CD200R1L: variants seen among roughly 807,000 people sequenced by gnomAD.
CD200R1L encodes the protein CD200 receptor 1 like.
CD200R1L carries 14 observed loss-of-function variants against 24.8 expected under a neutral mutation model. That is an observed-to-expected ratio of 0.56 (90% confidence interval 0.37 to 0.88). The LOEUF is 0.88. Among genes scored for constraint, CD200R1L ranks in the 40% least tolerant of loss-of-function variants. The pLI, the probability that CD200R1L is intolerant of heterozygous loss-of-function variation, is 0.00. For synonymous variants in CD200R1L, 111 were observed against 109.2 expected, an observed-to-expected ratio of 1.02 and a Z score of -0.11; for missense variants, 299 against 297.8, an observed-to-expected ratio of 1.00 and a Z score of -0.03.
At chr3:112,838,069 G>A (rs1304227956) in intron 2 of CD200R1L, 59 bp from the exon 3 acceptor site, 4 of 621,252 alleles carry the variant, frequency 6.4e-6, no homozygotes, top group South Asian at 3.7e-5. Flanking sequence ...TTACTGAAAT[G>A]GACTAGAATC....
At chr3:112,841,474 C>T in intron 2 of CD200R1L, 1 of 249,508 alleles carries the variant, frequency 4.0e-6, no homozygotes, top group East Asian at 1.3e-4. Flanking sequence ...AGAGGCACAG[C>T]TCAAACCTGT....
chr3:112,836,388 C>G (rs1387012475), intron 3 of CD200R1L, among the ~76,000 whole-genome samples: 1 of 152,258 alleles, frequency 6.6e-6, no homozygotes. Flanking sequence ...CAGCCCGCCA[C>G]TGCATCAATA....
intron 3 of CD200R1L, among the ~76,000 whole-genome samples, chr3:112,833,364 T>A (rs1938857327): frequency 6.6e-6 from 1 of 152,178 alleles, no homozygotes; most frequent in African/African-American, 2.4e-5. Context: ...CTCAGACAAG[T>A]CCAGTAGGAC....
At chr3:112,832,471 A>G (rs1938824310) in intron 3 of CD200R1L, among the ~76,000 whole-genome samples, 1 of 152,146 alleles carries the variant, frequency 6.6e-6, no homozygotes, top group African/African-American at 2.4e-5. Context: ...TAAATCCCCC[A>G]AACCACCCCC....
In CD200R1L at chr3:112,834,019, T is replaced by G. The variant is rs138596429; in HGVS notation, c.-18+3923A>C. 4.2e-3 allele frequency among the ~76,000 whole-genome samples: 632 copies of G among 152,126 alleles called. 5 individuals carry two copies. Among genetic ancestry groups the G allele is most frequent in the African/African-American group, 0.015 (605 of 41,490 alleles). On this transcript the variant is annotated intron_variant, in intron 3 of 7. Transcript: ENST00000488794. ...TTGGAAGGTAGAGGACAAGAAGGTG[T>G]GGGGTAGAGGCATGTGGATGCATTC...
At chr3:112,819,239 G>A (rs1328997976) in intron 7 of CD200R1L, among the ~76,000 whole-genome samples, 1 of 152,124 alleles carries the variant, frequency 6.6e-6, no homozygotes, top group Non-Finnish European at 1.5e-5. Context: ...TTTGGGTGGG[G>A]ACACAGCACC....
chr3:112,838,731 G>C (rs1939017153), intron 2 of CD200R1L, among the ~76,000 whole-genome samples: 2 of 152,150 alleles, frequency 1.3e-5, no homozygotes, highest in Non-Finnish European at 2.9e-5. Context: ...AAGTTGGCTA[G>C]AGTATAGTAT....
rs569900409 is a variant in CD200R1L, at chr3:112,821,680, G to A, written c.617-1785C>T. On this transcript the variant is annotated intron_variant, in intron 6 of 7. Transcript: ENST00000488794. ...TTTTTGTTTTGTTTTGTTTTGTTCT[G>A]TTTTGATCTGTGCAAATTGTCCTAA... Among the ~76,000 whole-genome samples, 3 of 152,180 alleles carry A rather than the reference G, an allele frequency of 2.0e-5. No individual in the cohort carries two copies. In the South Asian group the frequency reaches 6.2e-4, roughly 31 times the overall value.
At chr3:112,828,286 A>G (rs1254511240) in intron 4 of CD200R1L, among the ~76,000 whole-genome samples, 1 of 152,220 alleles carries the variant, frequency 6.6e-6, no homozygotes, top group East Asian at 1.9e-4. Context: ...CTAGCTGGAC[A>G]TGTTTTATTT....
At chr3:112,842,082 T>A (rs1355692067) in intron 2 of CD200R1L, among the ~76,000 whole-genome samples, 3 of 152,188 alleles carry the variant, frequency 2.0e-5, no homozygotes, top group Admixed American at 6.5e-5. Context: ...CTCAGTGATC[T>A]AGACACAGAA....
chr3:112,821,641 A>C (rs1233097768), intron 6 of CD200R1L, among the ~76,000 whole-genome samples: 1 of 89,896 alleles, frequency 1.1e-5, no homozygotes, highest in African/African-American at 3.9e-5. Flanking sequence ...TGTTTCTGAG[A>C]TTCTGTGGTG....
chr3:112,838,764 AT>A (rs1483524471), intron 2 of CD200R1L, among the ~76,000 whole-genome samples: 2 of 152,180 alleles, frequency 1.3e-5, no homozygotes, highest in Admixed American at 6.5e-5. Flanking sequence ...TCAAACACTA[AT>A]TTAAACATTG....
intron 2 of CD200R1L, among the ~76,000 whole-genome samples, chr3:112,841,867 A>G (rs1214862267): frequency 3.9e-5 from 6 of 152,248 alleles, no homozygotes; most frequent in Non-Finnish European, 7.3e-5. Flanking sequence ...ACCCAGAGGT[A>G]TCAAGATGAG....
chr3:112,838,932 A>G (rs1177520721), intron 2 of CD200R1L, among the ~76,000 whole-genome samples: 2 of 152,220 alleles, frequency 1.3e-5, no homozygotes, highest in African/African-American at 4.8e-5. Flanking sequence ...ATTCTCTTTA[A>G]GGCTGCAGCA....
intron 7 of CD200R1L, among the ~76,000 whole-genome samples, chr3:112,818,316 C>T (rs920886922): frequency 5.3e-5 from 8 of 152,176 alleles, no homozygotes; most frequent in African/African-American, 1.4e-4. Context: ...ATCCATCCAA[C>T]GGCTACAACC....
At chr3:112,817,893 G>A (rs886611434) in intron 7 of CD200R1L, among the ~76,000 whole-genome samples, 2 of 152,222 alleles carry the variant, frequency 1.3e-5, no homozygotes, top group Non-Finnish European at 2.9e-5. Context: ...TGGCTGGGGA[G>A]GCCCCAGAAT....
chr3:112,836,180 A>T (rs1938938932), intron 3 of CD200R1L, among the ~76,000 whole-genome samples: 1 of 152,210 alleles, frequency 6.6e-6, no homozygotes, highest in African/African-American at 2.4e-5. Context: ...GACTGGGGGT[A>T]GTGCGGTCAG....
chr3:112,819,955 G>A, intron 6 of CD200R1L, 60 bp from the exon 7 acceptor site: 1 of 1,438,540 alleles, frequency 7.0e-7, no homozygotes, highest in South Asian at 1.4e-5. Context: ...ACAAATTAGA[G>A]TCAATCATTT....
rs1430322375 is a variant in CD200R1L at position 112,827,245 on chromosome 3, C to T, written c.368-4G>A. 4 of 1,604,864 alleles carry T rather than the reference C, an allele frequency of 2.5e-6. No individual in the cohort carries two copies. Among genetic ancestry groups the T allele is most frequent in the Non-Finnish European group, 3.4e-6 (4 of 1,175,162 alleles). On this transcript the variant is annotated splice_polypyrimidine_tract_variant and splice_region_variant and intron_variant, in intron 5 of 7. Coordinates refer to ENST00000488794, the MANE Select transcript of CD200R1L (RefSeq NM_001199215.3). Reference sequence around the variant, plus strand: ...AATAGGTTCACTTCGGGTGTAACTGCAGAGAGGAAAGAGGGAAAAAAATGC... The same window carrying T: ...AATAGGTTCACTTCGGGTGTAACTGTAGAGAGGAAAGAGGGAAAAAAATGC...
Sources: gnomAD v4.1 joint callset for allele counts (sites outside exome capture counted in the v4.1 genomes callset) on GRCh38, gnomAD v4.1.1 for gene constraint, MANE v1.5 for transcripts, NCBI Gene and HGNC (gene_info 2026-07-23, HGNC 2026-07-21) for gene names.